PSD3: variants seen among roughly 807,000 people sequenced by gnomAD.
PSD3 encodes the protein pleckstrin and Sec7 domain containing 3, also known as PH and SEC7 domain-containing protein 3.
PSD3 carries 49 observed loss-of-function variants against 105.5 expected under a neutral mutation model. The ratio of observed to expected loss-of-function variants is 0.46; its 90% confidence interval spans 0.37 to 0.59. The LOEUF is 0.59. PSD3 is among the 20% of genes least tolerant of loss of function. PSD3 has a pLI of 0.00. For synonymous variants in PSD3, 557 were observed against 457.8 expected (o/e 1.22, Z -2.77); for missense variants, 1,561 against 1,263.8 (o/e 1.24, Z -3.57).
intron 10 of PSD3, among the ~76,000 whole-genome samples, chr8:18,644,061 C>T (rs986835420): frequency 3.3e-5 from 5 of 152,194 alleles, no homozygotes; most frequent in African/African-American, 1.2e-4. Context: ...TGCCCTCCTA[C>T]ACCTCTGGGA....
chr8:18,744,119 T>C (rs1565140), intron 9 of PSD3, among the ~76,000 whole-genome samples: 141,908 of 152,216 alleles, frequency 0.93, 66,205 homozygotes, highest in African/African-American at 0.95. Flanking sequence ...TTTGTATTGA[T>C]GTTCCCCACC....
At position 18,632,731 on chromosome 8, in the gene PSD3, G is replaced by A. The variant is rs1336804009; in HGVS notation, c.2292C>T (p.Ile764=). ...GGTTAGTAGTACTTCCAATACGACT[G>A]ATGGTCTTTGGATGTGTTCCGTTAG... ...EKANGTHPKT[I]SRIGSTTNPF... is the part of the protein sequence containing the mutation. The change falls in exon 11 of 16, where the codon ATC becomes ATT. Residue 764 remains isoleucine (I), a synonymous_variant. Transcript: ENST00000327040. 7.5e-6 allele frequency: 12 copies of A among 1,607,498 alleles called. No individual in the cohort carries two copies. The highest frequency in any genetic ancestry group is 9.4e-6 in the Non-Finnish European group (11 of 1,174,354).
At chr8:18,861,935 C>T (rs897084192) in intron 4 of PSD3, among the ~76,000 whole-genome samples, 2 of 152,094 alleles carry the variant, frequency 1.3e-5, no homozygotes, top group African/African-American at 4.8e-5. Flanking sequence ...TCTTCAGTCT[C>T]AACCCTCCAG....
chr8:18,979,370 G>A (rs940378243), intron 1 of PSD3, among the ~76,000 whole-genome samples: 10 of 152,174 alleles, frequency 6.6e-5, no homozygotes, highest in African/African-American at 1.9e-4. Flanking sequence ...CTTACATGAT[G>A]CCAAGTGAGT....
intron 1 of PSD3, among the ~76,000 whole-genome samples, chr8:19,076,605 G>A (rs1413494430): frequency 1.3e-5 from 2 of 152,314 alleles, no homozygotes; most frequent in East Asian, 1.9e-4. Context: ...ATTATGTTAT[G>A]TGTATGATGT....
intron 2 of PSD3, among the ~76,000 whole-genome samples, chr8:18,913,145 G>A (rs1820361378): frequency 6.8e-6 from 1 of 146,120 alleles, no homozygotes; most frequent in Admixed American, 6.9e-5. Context: ...CTATTTCAAT[G>A]CATTCAATTA....
At chr8:19,050,365 T>C (rs917269626) in intron 1 of PSD3, among the ~76,000 whole-genome samples, 3 of 152,152 alleles carry the variant, frequency 2.0e-5, no homozygotes, top group South Asian at 2.1e-4. Context: ...AAAATCATGC[T>C]GCTATAAAGA....
At chr8:18,710,546 G>A (rs117162107) in intron 9 of PSD3, among the ~76,000 whole-genome samples, 2,755 of 152,128 alleles carry the variant, frequency 0.018, 171 homozygotes, top group East Asian at 0.16. Context: ...CTAATCTTCA[G>A]CAAAGGTTGA....
At chr8:19,032,984 C>T (rs574287325) in intron 1 of PSD3, among the ~76,000 whole-genome samples, 1 of 152,158 alleles carries the variant, frequency 6.6e-6, no homozygotes, top group Non-Finnish European at 1.5e-5. Context: ...ATGGTGGTAC[C>T]TGCCTATAAT....
chr8:18,726,457 T>G (rs1018467788), intron 9 of PSD3, among the ~76,000 whole-genome samples: 1 of 152,258 alleles, frequency 6.6e-6, no homozygotes, highest in East Asian at 1.9e-4. Context: ...AACTGCTGTA[T>G]AGCTGATTAT....
chr8:18,956,787 A>G (rs1462624384), intron 1 of PSD3, among the ~76,000 whole-genome samples: 4 of 152,144 alleles, frequency 2.6e-5, no homozygotes, highest in Non-Finnish European at 5.9e-5. Flanking sequence ...AGAAGGGACA[A>G]TTAACAAAGG....
intron 1 of PSD3, among the ~76,000 whole-genome samples, chr8:18,996,361 G>A (rs772414487): frequency 8.6e-5 from 13 of 151,844 alleles, no homozygotes; most frequent in Non-Finnish European, 1.5e-4. Flanking sequence ...ACTATTAACA[G>A]AACTAGGGAC....
intron 10 of PSD3, among the ~76,000 whole-genome samples, chr8:18,652,783 C>T (rs553153654): frequency 3.3e-5 from 5 of 152,072 alleles, no homozygotes; most frequent in Admixed American, 1.3e-4. Context: ...CAGGTGTCAG[C>T]GACCGTGCCC....
chr8:19,053,539 C>G (rs1828602356), intron 1 of PSD3, among the ~76,000 whole-genome samples: 1 of 152,104 alleles, frequency 6.6e-6, no homozygotes, highest in Admixed American at 6.6e-5. Context: ...TGGCTCACAC[C>G]TGTAATCCCA....
intron 9 of PSD3, among the ~76,000 whole-genome samples, chr8:18,698,808 G>C (rs560068383): frequency 6.6e-6 from 1 of 152,128 alleles, no homozygotes; most frequent in East Asian, 1.9e-4. Context: ...ATTTAATTAG[G>C]ATTAAGGAGT....
intron 1 of PSD3, among the ~76,000 whole-genome samples, chr8:19,059,829 C>T (rs1266496547): frequency 6.6e-6 from 1 of 152,244 alleles, no homozygotes; most frequent in Non-Finnish European, 1.5e-5. Context: ...GGGTGCCCTT[C>T]AGCTCTATCT....
intron 4 of PSD3, among the ~76,000 whole-genome samples, chr8:18,812,073 G>C (rs1811744838): frequency 6.6e-6 from 1 of 152,144 alleles, no homozygotes; most frequent in South Asian, 2.1e-4. Flanking sequence ...GGATCAGACT[G>C]AACACCGCCA....
rs1563360448 is a variant in PSD3 at position 18,865,267 on chromosome 8, TATATATATATATATA to T, written c.1634+2392_1634+2406del. The T allele has an allele frequency of 5.1e-3, 30 of 5,898 alleles. 7 individuals are homozygous for T. The highest frequency in any genetic ancestry group is 0.019 in the South Asian group (2 of 104). 0.4% of individuals were successfully genotyped at this position (5,898 alleles called of 1,614,324 possible). A position where few individuals can be genotyped will look rare whatever the true frequency, so the allele number is the denominator to read the frequency against. ...ATATATATATATATATATATATATA[TATATATATATATATA>T]TATATTTTTTTTTTTTTTTTTTTTT... On this transcript the variant is annotated intron_variant, in intron 4 of 15. Coordinates refer to ENST00000327040, the MANE Select transcript of PSD3 (RefSeq NM_015310.4).
chr8:18,945,067 G>C (rs202150645), intron 1 of PSD3, among the ~76,000 whole-genome samples: 2 of 151,238 alleles, frequency 1.3e-5, no homozygotes, highest in African/African-American at 2.4e-5. Flanking sequence ...ATTTCAGACA[G>C]ACACACACAC....
Sources: allele counts gnomAD v4.1 joint callset (sites outside exome capture counted in the v4.1 genomes callset), GRCh38; gene constraint gnomAD v4.1.1; transcripts MANE v1.5; gene names NCBI Gene and HGNC (gene_info 2026-07-23, HGNC 2026-07-21).